The following ATP2C1 variants were observed in gnomAD, a reference collection of about 807,000 sequenced individuals.
The protein encoded by ATP2C1 is ATPase secretory pathway Ca2+ transporting 1, also known as calcium-transporting ATPase type 2C member 1.
Under a neutral mutation model 120.5 loss-of-function variants are expected in ATP2C1, and 31 were observed. That is an observed-to-expected ratio of 0.26 (90% CI 0.19 to 0.35). ATP2C1 has a LOEUF of 0.35. Among genes scored for constraint, ATP2C1 ranks in the 10% least tolerant of loss-of-function variants. ATP2C1 has a pLI of 1.00. For missense variants in ATP2C1, 731 were observed against 1,107.5 expected, an observed-to-expected ratio of 0.66 and a Z score of 4.83; for synonymous variants, 351 against 358.7, an observed-to-expected ratio of 0.98 and a Z score of 0.24.
At chr3:131,003,329 A>T, downstream of ATP2C1, 5 of 269,452 alleles carry the variant, frequency 1.9e-5, no homozygotes, top group Non-Finnish European at 2.3e-5. Flanking sequence ...TATTAATCCA[A>T]GTTGACATGG....
intron 2 of ATP2C1, among the ~76,000 whole-genome samples, chr3:130,910,924 C>G (rs2058376424): frequency 9.2e-6 from 1 of 108,158 alleles, no homozygotes; most frequent in African/African-American, 3.6e-5. Flanking sequence ...TTGGTTGTGT[C>G]TCTGCCCGGC....
chr3:130,941,731 A>T (rs1183697925), intron 8 of ATP2C1, 32 bp downstream of exon 8: 1 of 1,479,780 alleles, frequency 6.8e-7, no homozygotes, highest in Admixed American at 1.7e-5. Flanking sequence ...AATAAGTGAA[A>T]ATACGTGGAT....
chr3:130,884,958 A>T, intron 1 of ATP2C1, among the ~76,000 whole-genome samples: 2 of 113,544 alleles, frequency 1.8e-5, no homozygotes, highest in African/African-American at 3.5e-5. Context: ...TTTAAGACGG[A>T]GTCTTGCTCT....
At chr3:130,982,063 A>G (rs550584389) in intron 20 of ATP2C1, among the ~76,000 whole-genome samples, 1 of 152,230 alleles carries the variant, frequency 6.6e-6, no homozygotes, top group African/African-American at 2.4e-5. Context: ...TTTATGGACT[A>G]TGCTTTTGAT....
At chr3:130,916,947 C>T (rs1276972741) in intron 2 of ATP2C1, among the ~76,000 whole-genome samples, 1 of 152,168 alleles carries the variant, frequency 6.6e-6, no homozygotes, top group African/African-American at 2.4e-5. Flanking sequence ...CTTAAAGCAG[C>T]TAAGGTCATT....
chr3:130,911,204 C>T (rs1024308504), intron 2 of ATP2C1, among the ~76,000 whole-genome samples: 2 of 134,136 alleles, frequency 1.5e-5, no homozygotes, highest in Admixed American at 7.5e-5. Flanking sequence ...GGAATTTATC[C>T]ATTTCTTCTA....
chr3:130,991,637 G>A (rs1577019011), intron 20 of ATP2C1, among the ~76,000 whole-genome samples: 1 of 152,148 alleles, frequency 6.6e-6, no homozygotes, highest in African/African-American at 2.4e-5. Flanking sequence ...ATATGGAAGG[G>A]ACAACATGTT....
chr3:130,963,893 T>C (rs2108632085), intron 12 of ATP2C1, 78 bp from the exon 13 acceptor site: 1 of 1,585,872 alleles, frequency 6.3e-7, no homozygotes, highest in East Asian at 2.2e-5. Flanking sequence ...TTATTAAGCT[T>C]TAAGTAACAT....
chr3:130,981,628 C>T (rs2061768166), intron 20 of ATP2C1, among the ~76,000 whole-genome samples: 1 of 152,114 alleles, frequency 6.6e-6, no homozygotes, highest in Non-Finnish European at 1.5e-5. Flanking sequence ...TCATAAGAAA[C>T]TGCCAAGTTG....
intron 2 of ATP2C1, among the ~76,000 whole-genome samples, chr3:130,912,803 T>G (rs1428210267): frequency 1.3e-5 from 2 of 151,806 alleles, no homozygotes; most frequent in Non-Finnish European, 2.9e-5. Context: ...CACATGCACA[T>G]GTATGTTTAT....
intron 6 of ATP2C1, among the ~76,000 whole-genome samples, chr3:130,939,732 A>G (rs2059814199): frequency 6.6e-6 from 1 of 152,162 alleles, no homozygotes; most frequent in Admixed American, 6.5e-5. Flanking sequence ...TTGTCACTCT[A>G]AGATTAAGTA....
intron 13 of ATP2C1, among the ~76,000 whole-genome samples, chr3:130,964,579 G>A (rs2060970636): frequency 1.3e-5 from 2 of 151,896 alleles, no homozygotes; most frequent in South Asian, 4.2e-4. Flanking sequence ...CTCCATATAT[G>A]AGAAGCTGAA....
At chr3:130,907,698 G>A (rs1373854136) in intron 2 of ATP2C1, among the ~76,000 whole-genome samples, 1 of 150,780 alleles carries the variant, frequency 6.6e-6, no homozygotes, top group Non-Finnish European at 1.5e-5. Flanking sequence ...TTTGAAACTG[G>A]AAGTGTGAGA....
upstream of ATP2C1, among the ~76,000 whole-genome samples, chr3:130,893,340 C>G (rs930965477): frequency 6.6e-6 from 1 of 152,176 alleles, no homozygotes; most frequent in African/African-American, 2.4e-5. Context: ...ATACCACAAA[C>G]GAATGAAAAA....
Position 130,932,198 on chromosome 3 carries a change from T to C in ATP2C1, c.234+60T>C, listed in dbSNP as rs1400699183. On this transcript the variant is annotated intron_variant, in intron 4 of 27. Transcript: ENST00000510168. Reference sequence around the variant, plus strand: ...TTTATTAATACATGGACTTCTGTTATGTAGTTGCTTACTTTTGTGATACTG... The same window carrying C: ...TTTATTAATACATGGACTTCTGTTACGTAGTTGCTTACTTTTGTGATACTG... 3.9e-6 allele frequency: 4 copies of C among 1,033,022 alleles called. No individual in the cohort carries two copies. In the African/African-American group the frequency reaches 4.7e-5, roughly 12 times the overall value. 64.0% of individuals were successfully genotyped at this position (1,033,022 alleles called of 1,614,324 possible).
At chr3:130,860,426 A>T (rs1316619319) in intron 1 of ATP2C1, among the ~76,000 whole-genome samples, 1 of 152,252 alleles carries the variant, frequency 6.6e-6, no homozygotes, top group Admixed American at 6.5e-5. Flanking sequence ...CTATTTCAGG[A>T]GATACAACTT....
At chr3:130,917,012 G>A (rs2058719475) in intron 2 of ATP2C1, among the ~76,000 whole-genome samples, 1 of 152,140 alleles carries the variant, frequency 6.6e-6, no homozygotes, top group Admixed American at 6.5e-5. Context: ...TTTGACTTAG[G>A]ATTTTTCAAC....
At chr3:130,941,471 T>G in intron 7 of ATP2C1, 120 bp from the exon 8 acceptor site, 1 of 752,890 alleles carries the variant, frequency 1.3e-6, no homozygotes, top group Non-Finnish European at 2.3e-6. Flanking sequence ...TTAGAAACAG[T>G]CTTTTTCTTG....
downstream of ATP2C1, among the ~76,000 whole-genome samples, chr3:131,004,061 G>A (rs1209413707): frequency 1.3e-5 from 2 of 152,124 alleles, no homozygotes; most frequent in Non-Finnish European, 2.9e-5. Context: ...TCCCTGCCCT[G>A]TAGGAGCCCA....
Sources: allele counts gnomAD v4.1 joint callset (sites outside exome capture counted in the v4.1 genomes callset), GRCh38; gene constraint gnomAD v4.1.1; transcripts MANE v1.5; gene names NCBI Gene and HGNC (gene_info 2026-07-23, HGNC 2026-07-21).